The following CNTN1 variants were observed in gnomAD, a reference collection of about 807,000 sequenced individuals.
The protein encoded by CNTN1 is contactin-1.
CNTN1 carries 38 observed loss-of-function variants against 126.4 expected under a neutral mutation model. The observed-to-expected ratio is 0.30, with a 90% CI of 0.23 to 0.39. The LOEUF (loss-of-function observed/expected upper bound fraction) is 0.39, where lower values mean the gene tolerates loss of function less well. CNTN1 is among the 10% of genes least tolerant of loss of function. CNTN1 has a pLI of 1.00. For missense variants in CNTN1, 1,009 were observed against 1,248.4 expected, an observed-to-expected ratio of 0.81 and a Z score of 2.89; for synonymous variants, 413 against 422.6, an observed-to-expected ratio of 0.98 and a Z score of 0.28.
intron 17 of CNTN1, among the ~76,000 whole-genome samples, chr12:41,003,005 T>C (rs1248187493): frequency 6.6e-6 from 1 of 152,156 alleles, no homozygotes; most frequent in Admixed American, 6.5e-5. Flanking sequence ...TGAGAGATGG[T>C]ATCCTGGTCT....
At chr12:40,913,269 G>A (rs960229933) in intron 3 of CNTN1, among the ~76,000 whole-genome samples, 2 of 152,202 alleles carry the variant, frequency 1.3e-5, no homozygotes, top group African/African-American at 4.8e-5. Context: ...AGTGTTTAAA[G>A]GCTAAGCCCA....
intron 23 of CNTN1, among the ~76,000 whole-genome samples, chr12:41,067,534 G>C (rs1359464924): frequency 1.4e-5 from 2 of 147,112 alleles, no homozygotes; most frequent in African/African-American, 5.0e-5. Context: ...ACCAAACACC[G>C]CATATTCTCA....
intron 14 of CNTN1, among the ~76,000 whole-genome samples, chr12:40,953,357 G>C (rs1005550567): frequency 6.6e-6 from 1 of 152,130 alleles, no homozygotes; most frequent in East Asian, 1.9e-4. Flanking sequence ...TGGCTAGAAT[G>C]TGCTGAGGCC....
intron 1 of CNTN1, among the ~76,000 whole-genome samples, chr12:40,820,419 G>A (rs1003662257): frequency 6.6e-6 from 1 of 152,214 alleles, no homozygotes; most frequent in Non-Finnish European, 1.5e-5. Context: ...CACATGTGGA[G>A]TGGCAGTGAA....
chr12:40,782,025 T>C (rs760481484), intron 1 of CNTN1, among the ~76,000 whole-genome samples: 5 of 152,016 alleles, frequency 3.3e-5, no homozygotes, highest in Non-Finnish European at 7.4e-5. Context: ...CATCTGAATA[T>C]AATTTTGTCT....
chr12:41,025,279 A>G lies in CNTN1; in HGVS notation c.2653A>G (p.Asn885Asp). 1 of 1,613,930 alleles carries G rather than the reference A, an allele frequency of 6.2e-7. No individual in the cohort carries two copies. The highest frequency in any genetic ancestry group is 8.5e-7 in the Non-Finnish European group (1 of 1,179,808). Residue 885 changes from asparagine to aspartate, a missense_variant, in exon 21 of 24, where the codon AAT becomes GAT. Coordinates refer to ENST00000551295, the MANE Select transcript of CNTN1 (RefSeq NM_001843.4). ...TQYFIEVGAC[N>D]SAGCGPPSDM... Reference sequence around the variant, plus strand: ...GTATTTTATAGAAGTCGGGGCCTGCAATAGTGCAGGGTGTGGACCTCCAAG... The same window carrying G: ...GTATTTTATAGAAGTCGGGGCCTGCGATAGTGCAGGGTGTGGACCTCCAAG...
chr12:40,967,348 C>A (rs2137033221), intron 15 of CNTN1, among the ~76,000 whole-genome samples: 1 of 151,926 alleles, frequency 6.6e-6, no homozygotes, highest in South Asian at 2.1e-4. Flanking sequence ...GGTGTGGTGG[C>A]ACATGCCTGT....
intron 5 of CNTN1, among the ~76,000 whole-genome samples, chr12:40,923,077 T>C (rs1945509262): frequency 6.6e-6 from 1 of 150,664 alleles, no homozygotes. Flanking sequence ...GGGAAGAAAA[T>C]GTCACATATT....
At position 40,918,780 on chromosome 12, in the gene CNTN1, C is replaced by A; in HGVS notation, c.227+9C>A. 1 of 1,613,248 alleles carries A rather than the reference C, an allele frequency of 6.2e-7. No homozygotes were observed. Among genetic ancestry groups the A allele is most frequent in the Non-Finnish European group, 8.5e-7 (1 of 1,179,348 alleles). The stretch of plus-strand genomic sequence containing the variant: ...CCTTTCCCGGTTTACAAGTAATGTA[C>A]CTCGCTTCTCTTTTCAGAGTGGAGT... On this transcript the variant is annotated intron_variant, in intron 4 of 23. Transcript: ENST00000551295.
chr12:40,846,988 C>T (rs1304557943), intron 1 of CNTN1, among the ~76,000 whole-genome samples: 5 of 152,152 alleles, frequency 3.3e-5, no homozygotes, highest in Non-Finnish European at 1.5e-5. Context: ...CTGCCTCCAC[C>T]TCCTGAGTAG....
intron 1 of CNTN1, among the ~76,000 whole-genome samples, chr12:40,760,774 A>G (rs1254804570): frequency 6.6e-6 from 1 of 152,074 alleles, no homozygotes; most frequent in Non-Finnish European, 1.5e-5. Context: ...TTATCCCCTT[A>G]TAGGTGACAA....
intron 14 of CNTN1, among the ~76,000 whole-genome samples, chr12:40,952,815 A>G (rs910058181): frequency 2.0e-5 from 3 of 152,176 alleles, no homozygotes; most frequent in Non-Finnish European, 2.9e-5. Flanking sequence ...AGCCAAAAGT[A>G]AAGAAGAAAC....
intron 1 of CNTN1, among the ~76,000 whole-genome samples, chr12:40,884,492 T>C (rs1451384088): frequency 5.3e-5 from 8 of 151,568 alleles, no homozygotes; most frequent in Admixed American, 1.3e-4. Flanking sequence ...TCAAAGTATC[T>C]GAATACTTTT....
chr12:40,726,282 A>C (rs1317025115), intron 1 of CNTN1, among the ~76,000 whole-genome samples: 1 of 152,228 alleles, frequency 6.6e-6, no homozygotes, highest in Non-Finnish European at 1.5e-5. Flanking sequence ...CATATGAAGA[A>C]ATTTGATAAA....
rs764131735 is a variant in CNTN1 at position 41,007,883 on chromosome 12, G to A, written c.2114-6345G>A. On this transcript the variant is annotated intron_variant, in intron 17 of 23. Coordinates refer to ENST00000551295, the MANE Select transcript of CNTN1 (RefSeq NM_001843.4). ...GCAAGCTCCCAGCTTGCTTGTTTATGTCTGCAGCTCAACTTTACAGGCTGC... is the reference window on the plus strand; with the variant it reads ...GCAAGCTCCCAGCTTGCTTGTTTATATCTGCAGCTCAACTTTACAGGCTGC... Among the ~76,000 whole-genome samples the A allele has an allele frequency of 7.8e-4, 119 of 152,278 alleles. 1 individual carries two copies. The Middle Eastern group carries it at 0.01, about 13-fold the overall frequency.
chr12:40,976,335 A>G (rs1947669955), intron 15 of CNTN1, among the ~76,000 whole-genome samples: 1 of 152,154 alleles, frequency 6.6e-6, no homozygotes, highest in Non-Finnish European at 1.5e-5. Flanking sequence ...GTCTTTTTCA[A>G]CTGACCAATT....
chr12:40,809,224 G>A (rs764034989), intron 1 of CNTN1, among the ~76,000 whole-genome samples: 1 of 152,046 alleles, frequency 6.6e-6, no homozygotes, highest in African/African-American at 2.4e-5. Flanking sequence ...TAATTTCATA[G>A]GACAGATGTC....
intron 1 of CNTN1, among the ~76,000 whole-genome samples, chr12:40,773,652 TATACAC>T (rs1314769844): frequency 5.4e-3 from 18 of 3,364 alleles, no homozygotes; most frequent in African/African-American, 7.4e-3. Context: ...TATATATATA[TATACAC>T]ATATATATAT....
At chr12:41,042,056 A>G (rs1592449064) in intron 23 of CNTN1, among the ~76,000 whole-genome samples, 3 of 151,966 alleles carry the variant, frequency 2.0e-5, no homozygotes, top group African/African-American at 7.2e-5. Flanking sequence ...GGCATTTAGT[A>G]TTATAAATTT....
Sources: allele counts gnomAD v4.1 joint callset (sites outside exome capture counted in the v4.1 genomes callset), GRCh38; gene constraint gnomAD v4.1.1; transcripts MANE v1.5; gene names NCBI Gene and HGNC (gene_info 2026-07-23, HGNC 2026-07-21).